IFIH1: variants seen among roughly 807,000 people sequenced by gnomAD.
The protein encoded by IFIH1 is interferon induced with helicase C domain 1.
IFIH1 carries 125 observed loss-of-function variants against 107.4 expected under a neutral mutation model. That is an observed-to-expected ratio of 1.16 (90% CI 1.01 to 1.35). The LOEUF is 1.35. IFIH1 is among the 40% of genes most tolerant of loss of function. The pLI is 0.00. For synonymous variants in IFIH1, 458 were observed against 413.2 expected (o/e 1.11, Z -1.31); for missense variants, 1,333 against 1,213.7 (o/e 1.10, Z -1.46).
At position 162,272,319 on chromosome 2, in the gene IFIH1, G is replaced by C. The variant is rs764283606; in HGVS notation, c.2523C>G (p.Ile841Met). 5 of 1,612,894 alleles carry C rather than the reference G, an allele frequency of 3.1e-6. No individual in the cohort carries two copies. The highest frequency in any genetic ancestry group is 3.4e-6 in the Non-Finnish European group (4 of 1,179,256). ...VLVAHSGSGV[I>M]EHETVNDFRE... ...GGAAATCATTAACTGTCTCATGTTC[G>C]ATAACTCCTGAACCACTGTGAGCAA... The change falls in exon 13 of 16, where the codon ATC becomes ATG. Residue 841 changes from isoleucine (I) to methionine (M), a missense_variant. By Grantham distance (10) the Ile-to-Met change is conservative. Coordinates refer to ENST00000649979, the MANE Select transcript of IFIH1 (RefSeq NM_022168.4).
At chr2:162,267,677 C>T in intron 14 of IFIH1, 108 bp from the exon 15 acceptor site, 1 of 792,662 alleles carries the variant, frequency 1.3e-6, no homozygotes, top group Non-Finnish European at 2.1e-6. Flanking sequence ...CGGTATTCTA[C>T]ACGGCATTCC....
intron 4 of IFIH1, among the ~76,000 whole-genome samples, chr2:162,291,669 A>T (rs1467156419): frequency 6.6e-6 from 1 of 151,836 alleles, no homozygotes; most frequent in Admixed American, 6.6e-5. Context: ...TATAGAATGA[A>T]GTCCCTTTTG....
chr2:162,299,643 C>T (rs1268756842), intron 3 of IFIH1, among the ~76,000 whole-genome samples: 2 of 152,074 alleles, frequency 1.3e-5, no homozygotes, highest in African/African-American at 2.4e-5. Context: ...TAAGGACTTT[C>T]CTACAATCAT....
At chr2:162,308,278 AAGAG>A in intron 2 of IFIH1, among the ~76,000 whole-genome samples, 1 of 152,256 alleles carries the variant, frequency 6.6e-6, no homozygotes, top group Non-Finnish European at 1.5e-5. Context: ...TCACACGGTT[AAGAG>A]AGAGAAAGAG....
At chr2:162,312,071 A>G (rs976671922) in intron 1 of IFIH1, among the ~76,000 whole-genome samples, 13 of 152,140 alleles carry the variant, frequency 8.5e-5, no homozygotes, top group African/African-American at 2.9e-4. Context: ...ACATTTGCCA[A>G]TCTTCCACAT....
chr2:162,277,452 C>T lies in IFIH1; in HGVS notation c.2007G>A (p.Leu669=), dbSNP rs1682715789. 4 of 1,609,110 alleles carry T rather than the reference C, an allele frequency of 2.5e-6. No homozygotes were observed. The South Asian group carries it at 4.4e-5, about 18-fold the overall frequency. Residue 669 remains leucine, a synonymous_variant, in exon 10 of 16, where the codon CTG becomes CTA. Coordinates refer to ENST00000649979, the MANE Select transcript of IFIH1 (RefSeq NM_022168.4). ...TCATGAGAAATCTATCTGTTTCATCCAGTTTCAAAGGTTTCTTTAAATCAT... is the reference window on the plus strand; with the variant it reads ...TCATGAGAAATCTATCTGTTTCATCTAGTTTCAAAGGTTTCTTTAAATCAT... ...DEDDLKKPLK[L]DETDRFLMTL...
intron 3 of IFIH1, among the ~76,000 whole-genome samples, chr2:162,297,554 T>G (rs1683114588): frequency 6.6e-6 from 1 of 152,090 alleles, no homozygotes; most frequent in South Asian, 2.1e-4. Flanking sequence ...ACCAAGAAAA[T>G]GAAACTCGAA....
intron 3 of IFIH1, among the ~76,000 whole-genome samples, chr2:162,304,378 C>T (rs561756216): frequency 1.3e-5 from 2 of 152,290 alleles, no homozygotes; most frequent in South Asian, 4.1e-4. Flanking sequence ...GGGAGGATCA[C>T]TTGCGCCTGG....
intron 14 of IFIH1, 147 bp downstream of exon 14, chr2:162,267,940 T>A (rs1024129401): frequency 5.1e-6 from 3 of 585,102 alleles, no homozygotes; most frequent in Non-Finnish European, 8.6e-6. Flanking sequence ...AACATAGACA[T>A]TTAAAATAGG....
chr2:162,310,089 C>A (rs1477944198), intron 2 of IFIH1: 1 of 152,186 alleles, frequency 6.6e-6, no homozygotes, highest in Admixed American at 6.6e-5. Context: ...ACAGCAGCAC[C>A]CCACTTTTTA....
intron 5 of IFIH1, 88 bp downstream of exon 5, chr2:162,288,047 G>A: frequency 2.5e-6 from 2 of 803,156 alleles, no homozygotes; most frequent in Non-Finnish European, 4.1e-6. Context: ...CTAAACATGT[G>A]TGAGTCAATG....
At chr2:162,285,544 T>A (rs1411772396) in intron 5 of IFIH1, among the ~76,000 whole-genome samples, 1 of 151,972 alleles carries the variant, frequency 6.6e-6, no homozygotes, top group Non-Finnish European at 1.5e-5. Context: ...ATGGAAGAAT[T>A]AGTGGAGGGA....
At chr2:162,298,293 C>A (rs977541666) in intron 3 of IFIH1, among the ~76,000 whole-genome samples, 1 of 152,130 alleles carries the variant, frequency 6.6e-6, no homozygotes, top group African/African-American at 2.4e-5. Context: ...GAATATCTTT[C>A]GTTTCTTTCC....
In IFIH1 at chr2:162,278,310, G is replaced by GTTGTCCTTGTCATCCA; in HGVS notation, c.1659_1660insTGGATGACAAGGACAA (p.Leu554TrpfsTer31). 7.0e-7 allele frequency: 1 copy of GTTGTCCTTGTCATCCA among 1,435,860 alleles called. No individual in the cohort carries two copies. The highest frequency in any genetic ancestry group is 9.7e-7 in the Non-Finnish European group (1 of 1,031,612). 88.9% of individuals were successfully genotyped at this position (1,435,860 alleles called of 1,614,324 possible). A position where few individuals can be genotyped will look rare whatever the true frequency, so the allele number is the denominator to read the frequency against. On this transcript the variant is annotated frameshift_variant, in exon 9 of 16. Transcript: ENST00000649979. LOFTEE classifies it high-confidence loss of function. ...TGAATCCTTGTCATTATTTCTAGAAGTTTCTCTTTAAATGGATCCTAAAAA... is the reference window on the plus strand; with the variant it reads ...TGAATCCTTGTCATTATTTCTAGAAGTTGTCCTTGTCATCCATTTCTCTTTAAATGGATCCTAAAAA...
Position 162,272,385 on chromosome 2 carries a change from G to T in IFIH1, c.2457C>A (p.Ala819=), listed in dbSNP as rs1691059595. 1 of 1,610,238 alleles carries T rather than the reference G, an allele frequency of 6.2e-7. No individual in the cohort carries two copies. The highest frequency in any genetic ancestry group is 8.5e-7 in the Non-Finnish European group (1 of 1,178,504). The change falls in exon 13 of 16, where the codon GCC becomes GCA. Residue 819 remains alanine (A), a splice_region_variant and synonymous_variant. Transcript: ENST00000649979. ...TCTCATCAGCTCTGGCTCGACCACG[G>T]GCCTGAAAACACAAATAAATCAAGT... ...LVTNEIAMVQ[A]RGRARADEST...
At position 162,308,930 on chromosome 2, in the gene IFIH1, T is replaced by C. The variant is rs114884624; in HGVS notation, c.622+1835A>G. On this transcript the variant is annotated intron_variant, in intron 2 of 15. Transcript: ENST00000649979. ...ACCTAAACATTGTCCAAATCAGACGTAGATGAGACTAGAGGTGTGATTCAT... is the reference window on the plus strand; with the variant it reads ...ACCTAAACATTGTCCAAATCAGACGCAGATGAGACTAGAGGTGTGATTCAT... Among the ~76,000 whole-genome samples, 471 of 152,336 alleles carry C rather than the reference T, an allele frequency of 3.1e-3. 6 individuals are homozygous for C. Among genetic ancestry groups the C allele is most frequent in the African/African-American group, 0.011 (451 of 41,580 alleles).
At chr2:162,300,294 A>T (rs1683171036) in intron 3 of IFIH1, among the ~76,000 whole-genome samples, 1 of 152,188 alleles carries the variant, frequency 6.6e-6, no homozygotes, top group Non-Finnish European at 1.5e-5. Flanking sequence ...TGATAGTCAA[A>T]ATTAAAATCA....
At position 162,310,845 on chromosome 2, in the gene IFIH1, A is replaced by G; in HGVS notation, c.542T>C (p.Phe181Ser). ...TCCTGTTTGACGAAGAACATTCAGA[A>G]ATGCAGAGAACCAGTTTTCTTTCTG... ...IVQKENWFSA[F>S]LNVLRQTGNN... Residue 181 changes from phenylalanine to serine, a missense_variant, in exon 2 of 16, where the codon TTT becomes TCT. By Grantham distance (155) the Phe-to-Ser change is radical. Transcript: ENST00000649979. 1 of 1,613,508 alleles carries G rather than the reference A, an allele frequency of 6.2e-7. No homozygotes were observed.
chr2:162,317,097 A>C (rs1026320180), intron 1 of IFIH1, among the ~76,000 whole-genome samples: 14 of 151,512 alleles, frequency 9.2e-5, no homozygotes, highest in African/African-American at 3.4e-4. Flanking sequence ...CACAAAGTGT[A>C]ATGTAGGGCA....
Sources: gnomAD v4.1 joint callset for allele counts (sites outside exome capture counted in the v4.1 genomes callset) on GRCh38, gnomAD v4.1.1 for gene constraint, MANE v1.5 for transcripts, NCBI Gene and HGNC (gene_info 2026-07-23, HGNC 2026-07-21) for gene names.